SLC41A3: variants seen among roughly 807,000 people sequenced by gnomAD.
SLC41A3 encodes the protein SLC41A1-like 2.
Under a neutral mutation model 45.4 loss-of-function variants are expected in SLC41A3, and 44 were observed. That is an observed-to-expected ratio of 0.97 (90% CI 0.76 to 1.25). SLC41A3 has a LOEUF of 1.25. Among genes scored for constraint, SLC41A3 ranks in the 50% most tolerant of loss-of-function variants. The pLI, the probability that SLC41A3 is intolerant of heterozygous loss-of-function variation, is 0.00. For missense variants in SLC41A3, 550 were observed against 600.6 expected, an observed-to-expected ratio of 0.92 and a Z score of 0.88; for synonymous variants, 256 against 252.4, an observed-to-expected ratio of 1.01 and a Z score of -0.13.
rs556528254 is a variant in SLC41A3 at position 126,074,689 on chromosome 3, T to A, written c.-27-6443A>T. On this transcript the variant is annotated intron_variant, in intron 1 of 10. Transcript: ENST00000360370. Reference sequence around the variant, plus strand: ...GGGTTGTTTGGTTGTTGTTTTTTTTTTGTTGTTTTGAGACAGGCTCTCACT... The same window carrying A: ...GGGTTGTTTGGTTGTTGTTTTTTTTATGTTGTTTTGAGACAGGCTCTCACT... Among the ~76,000 whole-genome samples the A allele has an allele frequency of 1.5e-4, 22 of 150,724 alleles. 1 individual carries two copies. The South Asian group carries it at 4.3e-3, about 30-fold the overall frequency.
intron 3 of SLC41A3, among the ~76,000 whole-genome samples, chr3:126,046,641 T>C (rs781214546): frequency 7.9e-5 from 12 of 152,148 alleles, no homozygotes; most frequent in Non-Finnish European, 1.3e-4. Context: ...ACCATATCCA[T>C]GGACTGGAAG....
At chr3:126,027,839 T>G (rs973087221) in intron 4 of SLC41A3, among the ~76,000 whole-genome samples, 3 of 152,216 alleles carry the variant, frequency 2.0e-5, no homozygotes, top group Admixed American at 2.0e-4. Flanking sequence ...TTTGTTACAC[T>G]TTAGCAAAGA....
intron 1 of SLC41A3, chr3:126,083,848 G>A (rs1945292385): frequency 1.7e-5 from 1 of 57,516 alleles, no homozygotes; most frequent in Admixed American, 2.1e-4. Flanking sequence ...CCCCGCCCCA[G>A]GCCGCCCCTC....
At chr3:126,087,802 A>AGG (rs60014072), upstream of SLC41A3, among the ~76,000 whole-genome samples, 1 of 23,648 alleles carries the variant, frequency 4.2e-5, no homozygotes, top group Non-Finnish European at 8.7e-5. Context: ...TTTAAAAAAA[A>AGG]AAAGATTGTA....
At chr3:126,019,518 G>A (rs761387779) in intron 6 of SLC41A3, among the ~76,000 whole-genome samples, 34 of 152,110 alleles carry the variant, frequency 2.2e-4, no homozygotes, top group Non-Finnish European at 1.5e-5. Context: ...TCAAAAGCCC[G>A]AAGTCCAGAG....
At chr3:126,021,136 C>T (rs559010047) in intron 6 of SLC41A3, among the ~76,000 whole-genome samples, 4 of 152,246 alleles carry the variant, frequency 2.6e-5, no homozygotes, top group East Asian at 1.9e-4. Flanking sequence ...CCTCGTGATC[C>T]GCCCGCCTTG....
At chr3:126,067,696 A>T (rs113301212) in intron 2 of SLC41A3, 3 of 556,722 alleles carry the variant, frequency 5.4e-6, no homozygotes, top group African/African-American at 3.7e-5. Flanking sequence ...ATCAGAAGGG[A>T]AATGATTAAG....
At chr3:126,013,300 C>G (rs1939913380) in intron 8 of SLC41A3, among the ~76,000 whole-genome samples, 1 of 151,708 alleles carries the variant, frequency 6.6e-6, no homozygotes, top group Admixed American at 6.6e-5. Flanking sequence ...TGGCTCATGC[C>G]TGTAATCCTA....
In SLC41A3 at chr3:126,006,970, A is replaced by G; in HGVS notation, c.*46T>C. On this transcript the variant is annotated 3_prime_UTR_variant, in exon 11 of 11. Coordinates refer to ENST00000360370, the MANE Select transcript of SLC41A3 (RefSeq NM_017836.4). ...AGAAACTGAATTCTGTATCCCACTG[A>G]TGTGAGAGGAAATTCTAATGAGCAA... 1 of 1,612,948 alleles carries G rather than the reference A, an allele frequency of 6.2e-7. No individual in the cohort carries two copies. The highest frequency in any genetic ancestry group is 8.5e-7 in the Non-Finnish European group (1 of 1,179,218).
chr3:126,100,897 A>AT (rs912773704), intron 1 of SLC41A3, among the ~76,000 whole-genome samples: 4 of 152,168 alleles, frequency 2.6e-5, no homozygotes, highest in Non-Finnish European at 5.9e-5. Flanking sequence ...ACTCATGCAT[A>AT]TTTTTGTTTA....
chr3:126,045,394 T>C (rs1043258088), intron 3 of SLC41A3, among the ~76,000 whole-genome samples: 4 of 149,372 alleles, frequency 2.7e-5, no homozygotes, highest in African/African-American at 9.8e-5. Context: ...TTTAGCTAAA[T>C]TGACTAAGAA....
In SLC41A3 at chr3:126,068,126, G is replaced by C. The variant is rs1944445128; in HGVS notation, c.94C>G (p.Pro32Ala). ...AGAGCTCCATCTTCTGAGGCTACAG[G>C]GAGTCCTCCTGTGCTGAGGGGGTGA... ...LPHPLSTGGL[P>A]VASEDGALRA... The change falls in exon 2 of 11, where the codon CCT (proline) becomes GCT (alanine). Residue 32 changes from proline (P) to alanine (A), a missense_variant. Coordinates refer to ENST00000360370, the MANE Select transcript of SLC41A3 (RefSeq NM_017836.4). The C allele has an allele frequency of 2.5e-6, 4 of 1,612,812 alleles. No homozygotes were observed. The highest frequency in any genetic ancestry group is 3.4e-6 in the Non-Finnish European group (4 of 1,179,572).
chr3:126,029,525 A>T (rs1255633388), intron 4 of SLC41A3, among the ~76,000 whole-genome samples: 1 of 152,220 alleles, frequency 6.6e-6, no homozygotes, highest in African/African-American at 2.4e-5. Flanking sequence ...TAAGCCAATT[A>T]AACTTCTTTT....
At position 126,006,780 on chromosome 3, in the gene SLC41A3, G is replaced by T; in HGVS notation, c.*236C>A. Reference sequence around the variant, plus strand: ...GCACACTTGCACGCTCATTAAGCATGTGCACACATCATATTCACACACTCA... The same window carrying T: ...GCACACTTGCACGCTCATTAAGCATTTGCACACATCATATTCACACACTCA... On this transcript the variant is annotated 3_prime_UTR_variant, in exon 11 of 11. Transcript: ENST00000360370. The T allele has an allele frequency of 6.9e-7, 1 of 1,443,222 alleles. No individual in the cohort carries two copies. The highest frequency in any genetic ancestry group is 9.1e-7 in the Non-Finnish European group (1 of 1,104,774). The allele number at this position is 1,443,222 out of a possible 1,614,324, so 89.4% of individuals were successfully genotyped here. A position where few individuals can be genotyped will look rare whatever the true frequency, so the allele number is the denominator to read the frequency against.
chr3:126,034,766 A>T (rs1477606203), intron 3 of SLC41A3, among the ~76,000 whole-genome samples: 1 of 152,204 alleles, frequency 6.6e-6, no homozygotes, highest in Non-Finnish European at 1.5e-5. Flanking sequence ...GTTTTCTATT[A>T]ATCAACCAGC....
At chr3:126,018,235 A>T (rs1381552474) in intron 6 of SLC41A3, among the ~76,000 whole-genome samples, 1 of 152,240 alleles carries the variant, frequency 6.6e-6, no homozygotes, top group Non-Finnish European at 1.5e-5. Flanking sequence ...CTAAATCATA[A>T]GTCATGTGGA....
chr3:126,020,995 C>T (rs375064401), intron 6 of SLC41A3, among the ~76,000 whole-genome samples: 4 of 151,890 alleles, frequency 2.6e-5, no homozygotes, highest in African/African-American at 7.3e-5. Flanking sequence ...CCCAGGTTCA[C>T]GCCATTCTCC....
At chr3:126,089,005 G>GGA (rs1347399315), upstream of SLC41A3, among the ~76,000 whole-genome samples, 3 of 152,072 alleles carry the variant, frequency 2.0e-5, no homozygotes, top group Non-Finnish European at 4.4e-5. Context: ...CCTGAGAAGG[G>GGA]GACTGCCCAG....
intron 1 of SLC41A3, among the ~76,000 whole-genome samples, chr3:126,078,603 C>T (rs547154211): frequency 6.6e-6 from 1 of 152,158 alleles, no homozygotes; most frequent in East Asian, 1.9e-4. Flanking sequence ...ACACAGCTAC[C>T]GATGACCTAT....
Sources: allele counts gnomAD v4.1 joint callset (sites outside exome capture counted in the v4.1 genomes callset), GRCh38; gene constraint gnomAD v4.1.1; transcripts MANE v1.5; gene names NCBI Gene and HGNC (gene_info 2026-07-23, HGNC 2026-07-21).